The following CFAP299 variants were observed in gnomAD, a reference collection of about 807,000 sequenced individuals.
CFAP299 encodes the protein cilia and flagella associated protein 299, also known as cilia- and flagella-associated protein 299.
Under a neutral mutation model 27.0 loss-of-function variants are expected in CFAP299, and 21 were observed. The ratio of observed to expected loss-of-function variants is 0.78; its 90% confidence interval spans 0.55 to 1.12. The LOEUF (loss-of-function observed/expected upper bound fraction) is 1.12. Ranked by LOEUF, CFAP299 falls within the 50% of genes most tolerant of loss-of-function variation. CFAP299 has a pLI of 0.00. For synonymous variants in CFAP299, 104 were observed against 98.1 expected (o/e 1.06, Z -0.36); for missense variants, 310 against 276.6 (o/e 1.12, Z -0.86).
intron 3 of CFAP299, among the ~76,000 whole-genome samples, chr4:80,845,618 CT>C (rs1731142164): frequency 6.6e-6 from 1 of 152,094 alleles, no homozygotes; most frequent in African/African-American, 2.4e-5. Flanking sequence ...ACATCTTCCC[CT>C]GGATTTTTTT....
chr4:80,527,090 T>C (rs1733227090), intron 2 of CFAP299, among the ~76,000 whole-genome samples: 1 of 152,164 alleles, frequency 6.6e-6, no homozygotes. Context: ...AAGTGCTTAA[T>C]AGAATGCCTC....
chr4:80,832,219 T>G (rs551427204), intron 3 of CFAP299, among the ~76,000 whole-genome samples: 29 of 152,312 alleles, frequency 1.9e-4, no homozygotes, highest in African/African-American at 5.5e-4. Context: ...GGATACGCAC[T>G]ACATAACTCC....
chr4:80,584,757 T>A (rs984852311), intron 3 of CFAP299, among the ~76,000 whole-genome samples: 2 of 152,006 alleles, frequency 1.3e-5, no homozygotes, highest in African/African-American at 4.8e-5. Flanking sequence ...AAACCTAGAT[T>A]TTTTTTCATC....
chr4:80,612,285 G>A (rs1738022040), intron 3 of CFAP299, among the ~76,000 whole-genome samples: 1 of 151,918 alleles, frequency 6.6e-6, no homozygotes, highest in Non-Finnish European at 1.5e-5. Flanking sequence ...CTGAAAAACA[G>A]ACCCTAAAAC....
intron 1 of CFAP299, among the ~76,000 whole-genome samples, chr4:80,361,979 T>G (rs1299215076): frequency 6.6e-6 from 1 of 152,106 alleles, no homozygotes; most frequent in Non-Finnish European, 1.5e-5. Flanking sequence ...ACTTTAATCT[T>G]TATACTAATA....
At chr4:80,895,255 C>A (rs1734558552) in intron 4 of CFAP299, among the ~76,000 whole-genome samples, 1 of 151,888 alleles carries the variant, frequency 6.6e-6, no homozygotes, top group Non-Finnish European at 1.5e-5. Flanking sequence ...GCAATCATTT[C>A]ACGTGTATAC....
At chr4:80,418,522 T>C (rs989317552) in intron 2 of CFAP299, among the ~76,000 whole-genome samples, 8 of 152,092 alleles carry the variant, frequency 5.3e-5, no homozygotes, top group Non-Finnish European at 2.9e-5. Context: ...TTTAGTGTTA[T>C]TGAAATGTAC....
chr4:80,615,832 T>C (rs1373494407), intron 3 of CFAP299, among the ~76,000 whole-genome samples: 1 of 152,168 alleles, frequency 6.6e-6, no homozygotes, highest in Non-Finnish European at 1.5e-5. Context: ...GCACTTCTAT[T>C]AAAAGTAACC....
chr4:80,798,204 GGT>G (rs1727981610), intron 3 of CFAP299, among the ~76,000 whole-genome samples: 1 of 152,062 alleles, frequency 6.6e-6, no homozygotes, highest in African/African-American at 2.4e-5. Context: ...AGCAAACAGG[GGT>G]GTTGGGGGTG....
At chr4:80,577,503 A>G (rs1032019933) in intron 2 of CFAP299, among the ~76,000 whole-genome samples, 1 of 143,522 alleles carries the variant, frequency 7.0e-6, no homozygotes, top group African/African-American at 2.6e-5. Context: ...CCCAGGTTCA[A>G]GCGATTCTCC....
chr4:80,688,101 C>A (rs987326471), intron 3 of CFAP299, among the ~76,000 whole-genome samples: 1 of 152,202 alleles, frequency 6.6e-6, no homozygotes. Flanking sequence ...AAGACGGCAG[C>A]GAGGCTGGGG....
intron 3 of CFAP299, among the ~76,000 whole-genome samples, chr4:80,813,584 A>T (rs776931391): frequency 3.3e-5 from 5 of 152,036 alleles, no homozygotes; most frequent in Non-Finnish European, 5.9e-5. Flanking sequence ...GTGAATAAAA[A>T]CAATGGCTCC....
At chr4:80,357,931 G>A (rs1723353091) in intron 1 of CFAP299, among the ~76,000 whole-genome samples, 1 of 151,794 alleles carries the variant, frequency 6.6e-6, no homozygotes, top group Non-Finnish European at 1.5e-5. Context: ...TGTAATATTA[G>A]GTTGTTAACT....
chr4:80,700,580 A>T (rs972655513), intron 3 of CFAP299, among the ~76,000 whole-genome samples: 2 of 152,032 alleles, frequency 1.3e-5, no homozygotes, highest in Non-Finnish European at 2.9e-5. Flanking sequence ...CTCTAGTGCG[A>T]CACTGGCTAG....
chr4:80,463,689 C>A (rs189513396), intron 2 of CFAP299, among the ~76,000 whole-genome samples: 3 of 152,142 alleles, frequency 2.0e-5, no homozygotes, highest in Admixed American at 2.0e-4. Flanking sequence ...AGATTCGGGT[C>A]CCAACCTTAT....
intron 2 of CFAP299, among the ~76,000 whole-genome samples, chr4:80,476,994 C>T (rs540992373): frequency 3.7e-4 from 56 of 151,560 alleles, no homozygotes; most frequent in Non-Finnish European, 7.1e-4. Context: ...TCTTCCCCAA[C>T]TTTCCTCCCA....
At chr4:80,644,620 C>T (rs1215747568) in intron 3 of CFAP299, among the ~76,000 whole-genome samples, 1 of 152,154 alleles carries the variant, frequency 6.6e-6, no homozygotes, top group Admixed American at 6.6e-5. Flanking sequence ...CGGGTGGAAA[C>T]AATGTAAGTA....
rs753772094 is a variant in CFAP299 at position 80,583,219 on chromosome 4, C to T, written c.333+36C>T. ...TTCATCCAACAGCTTAAAATGTATACACTAAATGCACAATTAATATTAAAA... is the reference window on the plus strand; with the variant it reads ...TTCATCCAACAGCTTAAAATGTATATACTAAATGCACAATTAATATTAAAA... On this transcript the variant is annotated intron_variant, in intron 3 of 5. Coordinates refer to ENST00000358105, the MANE Select transcript of CFAP299 (RefSeq NM_152770.3). 8 of 1,174,830 alleles carry T rather than the reference C, an allele frequency of 6.8e-6. No homozygotes were observed. The African/African-American group carries it at 1.2e-4, about 18-fold the overall frequency. 72.8% of individuals were successfully genotyped at this position (1,174,830 alleles called of 1,614,324 possible).
intron 3 of CFAP299, among the ~76,000 whole-genome samples, chr4:80,636,648 A>G (rs1739476503): frequency 6.6e-6 from 1 of 152,194 alleles, no homozygotes. Context: ...TCCTATATTT[A>G]TGACTTGTAT....
Sources: gnomAD v4.1 joint callset for allele counts (sites outside exome capture counted in the v4.1 genomes callset) on GRCh38, gnomAD v4.1.1 for gene constraint, MANE v1.5 for transcripts, NCBI Gene and HGNC (gene_info 2026-07-23, HGNC 2026-07-21) for gene names.